The following ZNF420 variants were observed in gnomAD, a reference collection of about 807,000 sequenced individuals.
ZNF420 encodes ATM and p53-associated KZNF protein.
Under a neutral mutation model 44.7 loss-of-function variants are expected in ZNF420, and 31 were observed. The ratio of observed to expected loss-of-function variants is 0.69; its 90% confidence interval spans 0.52 to 0.94. ZNF420 has a LOEUF of 0.94. Ranked by LOEUF, ZNF420 falls within the 40% of genes least tolerant of loss-of-function variation. The pLI, the probability that ZNF420 is intolerant of heterozygous loss-of-function variation, is 0.00. For synonymous variants in ZNF420, 245 were observed against 267.4 expected (o/e 0.92, Z 0.82); for missense variants, 681 against 827.9 (o/e 0.82, Z 2.18).
intron 4 of ZNF420, among the ~76,000 whole-genome samples, chr19:37,122,063 C>T (rs536105111): frequency 1.3e-5 from 2 of 152,294 alleles, no homozygotes; most frequent in Admixed American, 6.5e-5. Context: ...GGTGCTTCCT[C>T]AGGGATCTAG....
intron 1 of ZNF420, among the ~76,000 whole-genome samples, chr19:37,068,070 T>C (rs994213054): frequency 3.9e-5 from 6 of 152,104 alleles, no homozygotes; most frequent in African/African-American, 7.2e-5. Context: ...ACCACAAAGA[T>C]AGCATGTAGG....
chr19:37,076,032 G>A (rs893406209), upstream of ZNF420, among the ~76,000 whole-genome samples: 1 of 151,864 alleles, frequency 6.6e-6, no homozygotes, highest in Non-Finnish European at 1.5e-5. Context: ...GTACCTCTTT[G>A]TGAATCTGAA....
At chr19:37,008,070 G>A in exon 1 of ZNF420, 1 of 263,148 alleles carries the variant, frequency 3.8e-6, no homozygotes, top group Non-Finnish European at 7.3e-6. Context: ...AGGCCTGCCC[G>A]GACGGTGTGC....
chr19:37,043,663 G>C (rs1967497234), intron 1 of ZNF420, among the ~76,000 whole-genome samples: 1 of 152,138 alleles, frequency 6.6e-6, no homozygotes, highest in African/African-American at 2.4e-5. Flanking sequence ...AGTAGAGACA[G>C]GGTTTCACCA....
intron 1 of ZNF420, among the ~76,000 whole-genome samples, chr19:37,038,609 G>T (rs779596415): frequency 6.6e-6 from 1 of 152,110 alleles, no homozygotes; most frequent in Non-Finnish European, 1.5e-5. Flanking sequence ...TCCATCTCAA[G>T]AAACCACTTC....
intron 4 of ZNF420, among the ~76,000 whole-genome samples, chr19:37,108,642 G>C (rs899252496): frequency 1.3e-5 from 2 of 152,152 alleles, no homozygotes; most frequent in Non-Finnish European, 2.9e-5. Context: ...CATAATTCTG[G>C]ATGTTCAGGA....
chr19:37,009,765 G>A (rs1031557922), intron 1 of ZNF420, among the ~76,000 whole-genome samples: 1 of 152,150 alleles, frequency 6.6e-6, no homozygotes, highest in East Asian at 1.9e-4. Context: ...CACCAGATGA[G>A]GTGAGCCCAT....
intron 1 of ZNF420, among the ~76,000 whole-genome samples, chr19:37,022,388 T>C (rs1422437978): frequency 6.6e-6 from 1 of 152,168 alleles, no homozygotes; most frequent in East Asian, 1.9e-4. Flanking sequence ...ACTTTTGACA[T>C]TTTAAAAATT....
At chr19:37,111,920 T>C (rs1246835821) in intron 4 of ZNF420, among the ~76,000 whole-genome samples, 2 of 152,300 alleles carry the variant, frequency 1.3e-5, no homozygotes, top group East Asian at 3.9e-4. Flanking sequence ...TTATGGCATT[T>C]ACGGCCCTTA....
chr19:37,121,074 C>T (rs1261401405), intron 4 of ZNF420, among the ~76,000 whole-genome samples: 1 of 150,320 alleles, frequency 6.7e-6, no homozygotes, highest in East Asian at 1.9e-4. Flanking sequence ...GATTCAATGC[C>T]ATCCCCATCA....
intron 4 of ZNF420, among the ~76,000 whole-genome samples, chr19:37,113,556 A>G (rs1008460643): frequency 2.0e-5 from 3 of 152,018 alleles, no homozygotes; most frequent in Non-Finnish European, 4.4e-5. Flanking sequence ...GGGCATTCTC[A>G]TTGGTAATTG....
intron 1 of ZNF420, among the ~76,000 whole-genome samples, chr19:37,070,935 A>C (rs529889857): frequency 6.6e-6 from 1 of 152,336 alleles, no homozygotes; most frequent in Non-Finnish European, 1.5e-5. Flanking sequence ...CTTGGCATAA[A>C]GTTTCACTAG....
intron 1 of ZNF420, among the ~76,000 whole-genome samples, chr19:37,030,046 A>T (rs1264721299): frequency 6.6e-6 from 1 of 152,188 alleles, no homozygotes; most frequent in African/African-American, 2.4e-5. Context: ...TGTATAAAAG[A>T]TGTATAGGAT....
At chr19:37,083,104 C>T (rs1209375664) in intron 2 of ZNF420, among the ~76,000 whole-genome samples, 2 of 151,744 alleles carry the variant, frequency 1.3e-5, no homozygotes, top group Non-Finnish European at 2.9e-5. Context: ...TGTGATCCGC[C>T]CACCTCTGCC....
At chr19:37,090,795 C>T (rs1485910034) in intron 3 of ZNF420, among the ~76,000 whole-genome samples, 200 bp from the exon 4 acceptor site, 12 of 151,688 alleles carry the variant, frequency 7.9e-5, no homozygotes, top group Non-Finnish European at 1.3e-4. Flanking sequence ...TGGCAGGTGC[C>T]TGTAATCCCA....
intron 4 of ZNF420, among the ~76,000 whole-genome samples, chr19:37,097,057 C>A (rs1404613408): frequency 6.6e-6 from 1 of 152,028 alleles, no homozygotes; most frequent in African/African-American, 2.4e-5. Flanking sequence ...TGCCACCACA[C>A]CCAGATAATT....
intron 1 of ZNF420, among the ~76,000 whole-genome samples, chr19:37,072,772 C>T (rs1226233916): frequency 6.6e-6 from 1 of 151,946 alleles, no homozygotes; most frequent in East Asian, 1.9e-4. Context: ...TAATATGTTC[C>T]AATTAAAATA....
intron 1 of ZNF420, among the ~76,000 whole-genome samples, chr19:37,053,667 G>A (rs112994803): frequency 1.3e-4 from 20 of 152,272 alleles, no homozygotes; most frequent in African/African-American, 3.9e-4. Flanking sequence ...GGAGGCTGCC[G>A]AACAGCGGAT....
At chr19:37,018,066 C>A (rs578011016) in intron 1 of ZNF420, among the ~76,000 whole-genome samples, 1 of 152,028 alleles carries the variant, frequency 6.6e-6, no homozygotes, top group African/African-American at 2.4e-5. Context: ...ACAATAGCAT[C>A]AAAAAGAATA....
Sources: gnomAD v4.1 joint callset for allele counts (sites outside exome capture counted in the v4.1 genomes callset) on GRCh38, gnomAD v4.1.1 for gene constraint, MANE v1.5 for transcripts, NCBI Gene and HGNC (gene_info 2026-07-23, HGNC 2026-07-21) for gene names.